The following KALRN variants were observed in gnomAD, a reference collection of about 807,000 sequenced individuals.
The protein encoded by KALRN is kalirin RhoGEF kinase.
Under a neutral mutation model 353.7 loss-of-function variants are expected in KALRN, and 70 were observed. The ratio of observed to expected loss-of-function variants is 0.20; its 90% CI spans 0.16 to 0.24. The LOEUF (loss-of-function observed/expected upper bound fraction) is 0.24. Ranked by LOEUF, KALRN falls within the 10% of genes least tolerant of loss-of-function variation. The pLI, the probability that KALRN is intolerant of heterozygous loss-of-function variation, is 1.00. For synonymous variants in KALRN, 1,391 were observed against 1,434.8 expected (o/e 0.97, Z 0.69); for missense variants, 2,791 against 3,756.7 (o/e 0.74, Z 6.72).
At chr3:124,538,984 C>T (rs1328672139) in intron 33 of KALRN, among the ~76,000 whole-genome samples, 2 of 152,214 alleles carry the variant, frequency 1.3e-5, no homozygotes, top group Non-Finnish European at 2.9e-5. Flanking sequence ...CCCAGTGCTC[C>T]TCCTGCCATT....
intron 1 of KALRN, among the ~76,000 whole-genome samples, chr3:124,138,267 G>A (rs2066178980): frequency 6.6e-6 from 1 of 152,142 alleles, no homozygotes; most frequent in Non-Finnish European, 1.5e-5. Context: ...CATCAATTTA[G>A]CATGTCTTTG....
At chr3:124,366,620 G>A (rs898542177) in intron 10 of KALRN, among the ~76,000 whole-genome samples, 7 of 151,222 alleles carry the variant, frequency 4.6e-5, no homozygotes, top group Non-Finnish European at 8.9e-5. Context: ...ACACAGACAC[G>A]GCAACCATCC....
chr3:124,667,020 C>T lies in KALRN; in HGVS notation c.6540C>T (p.Tyr2180=). The change falls in exon 47 of 60, where the codon TAC becomes TAT. Residue 2180 remains tyrosine, a synonymous_variant. Coordinates refer to ENST00000682506, the MANE Select transcript of KALRN (RefSeq NM_001388419.1). ...AACTCGTTTTCTTCCAGATGAATTA[C>T]TTGGTCCTGGAGGAGAATGTGGACA... ...YMFKRSIKMN[Y]LVLEENVDND... is the part of the protein sequence containing the mutation. 1 of 1,596,932 alleles carries T rather than the reference C, an allele frequency of 6.3e-7. No homozygotes were observed. Among genetic ancestry groups the T allele is most frequent in the Non-Finnish European group, 8.6e-7 (1 of 1,168,856 alleles).
chr3:124,650,829 C>A lies in KALRN; in HGVS notation c.5686C>A (p.Arg1896=), dbSNP rs150257895. ...NKLSLEGSSY[R]GSLKDPAGCL... ...TCAGAGTCTAGAAGGAAGCTCATAC[C>A]GGGGGAGCTTGAAAGACCCTGCAGG... Residue 1896 remains arginine (R), a synonymous_variant, in exon 38 of 60, where the codon CGG becomes AGG. Transcript: ENST00000682506. 1.9e-4 allele frequency: 310 copies of A among 1,613,404 alleles called. No homozygotes were observed. Among genetic ancestry groups the A allele is most frequent in the Non-Finnish European group, 2.5e-4 (299 of 1,179,486 alleles).
chr3:124,277,483 A>T lies in KALRN; in HGVS notation c.969+8228A>T, dbSNP rs768290087. ...CTGCTGGTCCTGGGAATTTCGACTT[A>T]CTTTTTCTCATTTCCTCCCCTTGAA... On this transcript the variant is annotated intron_variant, in intron 5 of 59. Transcript: ENST00000682506. 2.6e-5 allele frequency among the ~76,000 whole-genome samples: 4 copies of T among 152,200 alleles called. No homozygotes were observed. The Middle Eastern group carries it at 0.014, about 521-fold the overall frequency.
intron 27 of KALRN, among the ~76,000 whole-genome samples, chr3:124,478,279 A>G (rs1192743696): frequency 6.6e-6 from 1 of 152,186 alleles, no homozygotes; most frequent in Non-Finnish European, 1.5e-5. Context: ...CTATATGCCT[A>G]CCTGTTTTCA....
chr3:124,564,573 G>C (rs1024090703), intron 34 of KALRN, among the ~76,000 whole-genome samples: 2 of 152,104 alleles, frequency 1.3e-5, no homozygotes, highest in Admixed American at 6.5e-5. Context: ...GCTACTCAGT[G>C]GGGGGCTGGG....
chr3:124,145,331 C>T lies in KALRN; in HGVS notation c.74-82659C>T, dbSNP rs565147626. 1.8e-4 allele frequency among the ~76,000 whole-genome samples: 28 copies of T among 152,290 alleles called. 1 individual carries two copies. In the South Asian group the frequency reaches 5.2e-3, roughly 28 times the overall value. On this transcript the variant is annotated intron_variant, in intron 1 of 59. Transcript: ENST00000682506. ...TCAGTGAGTTTTCACCCTAGCCACACGTTGGAATTGCCTATGGAACCTGAA... is the reference window on the plus strand; with the variant it reads ...TCAGTGAGTTTTCACCCTAGCCACATGTTGGAATTGCCTATGGAACCTGAA...
intron 36 of KALRN, among the ~76,000 whole-genome samples, chr3:124,634,705 T>C (rs1215984203): frequency 6.6e-6 from 1 of 152,200 alleles, no homozygotes; most frequent in South Asian, 2.1e-4. Flanking sequence ...CATCACCTTT[T>C]TTTTTCTGCC....
chr3:124,596,703 G>A (rs1215614821), intron 34 of KALRN, among the ~76,000 whole-genome samples: 1 of 152,156 alleles, frequency 6.6e-6, no homozygotes, highest in East Asian at 1.9e-4. Context: ...TAAATCACTT[G>A]CACCTGGCCT....
rs1358500924 is a variant in KALRN, at chr3:124,299,021, G to A, written c.1092+108G>A. On this transcript the variant is annotated intron_variant, in intron 6 of 59. Transcript: ENST00000682506. ...CCACCCGAGGAAGAACTGTGAACATGCTGACCCTTTGGTGTTCCATTTGTT... is the reference window on the plus strand; with the variant it reads ...CCACCCGAGGAAGAACTGTGAACATACTGACCCTTTGGTGTTCCATTTGTT... 6.3e-6 allele frequency: 9 copies of A among 1,427,664 alleles called. No individual in the cohort carries two copies. In the East Asian group the frequency reaches 2.1e-4, roughly 33 times the overall value. 88.4% of individuals were successfully genotyped at this position (1,427,664 alleles called of 1,614,324 possible). A position where few individuals can be genotyped will look rare whatever the true frequency, so the allele number is the denominator to read the frequency against.
chr3:124,583,219 A>G (rs750491513), intron 34 of KALRN, among the ~76,000 whole-genome samples: 1 of 152,128 alleles, frequency 6.6e-6, no homozygotes, highest in Non-Finnish European at 1.5e-5. Context: ...TGGGTGATCA[A>G]GCTTCTGTTT....
intron 1 of KALRN, among the ~76,000 whole-genome samples, chr3:124,199,132 G>C (rs977480849): frequency 1.3e-5 from 2 of 152,272 alleles, no homozygotes; most frequent in African/African-American, 4.8e-5. Flanking sequence ...GAGTTCCTGA[G>C]TGGGAGACAC....
chr3:124,666,875 ACCTAAGTACTGT>A (rs2085704240), intron 46 of KALRN, 125 bp from the exon 47 acceptor site: 1 of 882,682 alleles, frequency 1.1e-6, no homozygotes, highest in African/African-American at 1.7e-5. Flanking sequence ...AGAGACAAAA[ACCTAAGTACTGT>A]CCTGCTAGAT....
At chr3:124,112,387 C>T (rs900421375) in intron 1 of KALRN, among the ~76,000 whole-genome samples, 1 of 151,488 alleles carries the variant, frequency 6.6e-6, no homozygotes, top group African/African-American at 2.4e-5. Flanking sequence ...TTTTCTTGAT[C>T]TAATATACCT....
chr3:124,325,905 A>C (rs556533474), intron 6 of KALRN, 75 bp from the exon 7 acceptor site: 10 of 1,303,332 alleles, frequency 7.7e-6, no homozygotes, highest in Non-Finnish European at 1.1e-5. Flanking sequence ...CCCTTCCCCA[A>C]ATATGTACCC....
At chr3:124,440,813 A>G (rs1020266484) in intron 18 of KALRN, among the ~76,000 whole-genome samples, 4 of 152,054 alleles carry the variant, frequency 2.6e-5, no homozygotes, top group Non-Finnish European at 4.4e-5. Flanking sequence ...CTTTACAACC[A>G]GAAAAAAAAC....
intron 1 of KALRN, among the ~76,000 whole-genome samples, chr3:124,205,059 A>G (rs2150431164): frequency 6.6e-6 from 1 of 152,322 alleles, no homozygotes; most frequent in African/African-American, 2.4e-5. Flanking sequence ...TGGTCCTGAA[A>G]TTCCAACAAA....
At chr3:124,354,522 G>A (rs1296899151) in intron 10 of KALRN, among the ~76,000 whole-genome samples, 1 of 152,142 alleles carries the variant, frequency 6.6e-6, no homozygotes, top group African/African-American at 2.4e-5. Flanking sequence ...ACCCAGTGAA[G>A]CCAAAATCAG....
Sources: gnomAD v4.1 joint callset for allele counts (sites outside exome capture counted in the v4.1 genomes callset) on GRCh38, gnomAD v4.1.1 for gene constraint, MANE v1.5 for transcripts, NCBI Gene and HGNC (gene_info 2026-07-23, HGNC 2026-07-21) for gene names.